The following RBMS3 variants were observed in gnomAD, a reference collection of about 807,000 sequenced individuals.
The protein encoded by RBMS3 is RNA binding motif single stranded interacting protein 3, also known as RNA-binding motif, single-stranded-interacting protein 3.
RBMS3 carries 27 observed loss-of-function variants against 66.8 expected under a neutral mutation model. The observed-to-expected ratio is 0.40, with a 90% CI of 0.30 to 0.56. RBMS3 has a LOEUF of 0.56. RBMS3 is among the 20% of genes least tolerant of loss of function. The probability of loss-of-function intolerance (pLI) is 0.40; values close to 1 mark genes in which losing one functional copy is unlikely to be tolerated. For missense variants in RBMS3, 513 were observed against 549.5 expected (o/e 0.93, Z 0.66); for synonymous variants, 188 against 183.0 (o/e 1.03, Z -0.22).
intron 3 of RBMS3, among the ~76,000 whole-genome samples, chr3:29,539,375 ACT>A (rs1375515419): frequency 6.6e-6 from 1 of 152,114 alleles, no homozygotes; most frequent in African/African-American, 2.4e-5. Context: ...TATAGAGCAA[ACT>A]CTGAGTACTT....
At chr3:29,969,605 G>A (rs1254375137) in intron 12 of RBMS3, among the ~76,000 whole-genome samples, 20 of 152,142 alleles carry the variant, frequency 1.3e-4, no homozygotes, top group Admixed American at 1.2e-3. Flanking sequence ...TCTCTGTATG[G>A]AAAAGAGAAT....
At chr3:29,965,510 G>C (rs895058352) in intron 12 of RBMS3, among the ~76,000 whole-genome samples, 5 of 151,972 alleles carry the variant, frequency 3.3e-5, no homozygotes, top group African/African-American at 1.2e-4. Context: ...ATGTTTGTTG[G>C]CCATTTGTAT....
chr3:29,610,202 G>T (rs559673740), intron 4 of RBMS3, among the ~76,000 whole-genome samples: 4 of 151,966 alleles, frequency 2.6e-5, no homozygotes, highest in African/African-American at 9.7e-5. Flanking sequence ...GGACCCTGTC[G>T]TGAATACAGG....
intron 2 of RBMS3, among the ~76,000 whole-genome samples, chr3:29,467,062 A>C (rs145388457): frequency 0.033 from 4,977 of 152,284 alleles, 121 homozygotes; most frequent in African/African-American, 0.056. Context: ...AAAATGTATA[A>C]TTTAATTTGT....
chr3:29,685,617 G>A (rs1216654809), intron 4 of RBMS3, among the ~76,000 whole-genome samples: 1 of 152,094 alleles, frequency 6.6e-6, no homozygotes, highest in African/African-American at 2.4e-5. Context: ...TACACAAAGA[G>A]GTATATACTT....
At chr3:29,777,825 T>C (rs1000812885) in intron 6 of RBMS3, among the ~76,000 whole-genome samples, 20 of 151,856 alleles carry the variant, frequency 1.3e-4, no homozygotes, top group Admixed American at 8.5e-4. Context: ...ATTAAAATCA[T>C]TTGAAATCAC....
At chr3:29,960,488 C>CA in intron 12 of RBMS3, among the ~76,000 whole-genome samples, 1 of 152,186 alleles carries the variant, frequency 6.6e-6, no homozygotes, top group Non-Finnish European at 1.5e-5. Context: ...ATCTGGAAGA[C>CA]AGTGTCCCTC....
Position 29,309,678 on chromosome 3 carries a change from A to G in RBMS3, c.75+27922A>G, listed in dbSNP as rs1363339455. ...GGAAGAAGCAGAAATGAGTATTATT[A>G]TAGCAAAGGGAATATGAAATTTCAT... On this transcript the variant is annotated intron_variant, in intron 1 of 14. Coordinates refer to ENST00000383767, the MANE Select transcript of RBMS3 (RefSeq NM_001003793.3). Among the ~76,000 whole-genome samples, 62 of 151,802 alleles carry G rather than the reference A, an allele frequency of 4.1e-4. 1 individual carries two copies. The highest frequency in any genetic ancestry group is 3.9e-3 in the Admixed American group (59 of 15,188).
intron 6 of RBMS3, among the ~76,000 whole-genome samples, chr3:29,841,097 T>C (rs917471998): frequency 6.6e-6 from 1 of 151,974 alleles, no homozygotes; most frequent in Non-Finnish European, 1.5e-5. Flanking sequence ...ACTAATGAGT[T>C]TGATCATTTT....
intron 4 of RBMS3, among the ~76,000 whole-genome samples, chr3:29,689,936 A>G (rs1432559985): frequency 7.8e-6 from 1 of 127,730 alleles, no homozygotes; most frequent in East Asian, 3.1e-4. Flanking sequence ...AAAAAAAAAA[A>G]AAAAAAAAAA....
intron 6 of RBMS3, among the ~76,000 whole-genome samples, chr3:29,779,706 A>ATATATATATATATATATATATATATATAT (rs2056554752): frequency 9.3e-6 from 1 of 106,990 alleles, no homozygotes; most frequent in Non-Finnish European, 2.2e-5. Context: ...ATTAAGATGA[A>ATATATATATATATATATATATATATATAT]ATATATATAT....
chr3:29,297,961 GT>G (rs796870831), intron 1 of RBMS3, among the ~76,000 whole-genome samples: 1 of 151,792 alleles, frequency 6.6e-6, no homozygotes, highest in Non-Finnish European at 1.5e-5. Flanking sequence ...TTTTGTTTTA[GT>G]TTTTTTCAGC....
intron 1 of RBMS3, among the ~76,000 whole-genome samples, chr3:29,374,468 T>A (rs1470930227): frequency 6.6e-6 from 1 of 152,214 alleles, no homozygotes; most frequent in East Asian, 1.9e-4. Context: ...TTGCATTTAG[T>A]AGAAACTGTA....
At chr3:29,928,209 T>C (rs6766706) in intron 10 of RBMS3, among the ~76,000 whole-genome samples, 15,379 of 102,096 alleles carry the variant, frequency 0.15, 1,142 homozygotes, top group African/African-American at 0.21. Flanking sequence ...TATATATATA[T>C]ATACACACAC....
chr3:29,877,791 A>C (rs561292385), intron 7 of RBMS3, among the ~76,000 whole-genome samples: 1 of 152,324 alleles, frequency 6.6e-6, no homozygotes, highest in South Asian at 2.1e-4. Flanking sequence ...GAAGGTCAGA[A>C]GGTGATCTGC....
chr3:29,337,667 G>A (rs752147363), intron 1 of RBMS3, among the ~76,000 whole-genome samples: 2 of 152,054 alleles, frequency 1.3e-5, no homozygotes, highest in South Asian at 2.1e-4. Flanking sequence ...AAAGACTCAG[G>A]AATAGGAATA....
chr3:29,440,050 A>G (rs1157601936), intron 2 of RBMS3, among the ~76,000 whole-genome samples: 1 of 152,194 alleles, frequency 6.6e-6, no homozygotes, highest in Non-Finnish European at 1.5e-5. Flanking sequence ...TTTGTAGTGT[A>G]ATGATTTTTT....
Position 29,762,767 on chromosome 3 carries a change from G to C in RBMS3, c.558-143G>C, listed in dbSNP as rs146937617. 4.6e-6 allele frequency: 3 copies of C among 646,436 alleles called. No individual in the cohort carries two copies. In the African/African-American group the frequency reaches 5.6e-5, roughly 12 times the overall value. The allele number at this position is 646,436 out of a possible 1,614,324, so 40.0% of individuals were successfully genotyped here. ...TTTGTGATGTTCTCTTATCAATCTG[G>C]TCATCATGTTCATGAAAAAAGTTGG... On this transcript the variant is annotated intron_variant, in intron 5 of 14. Coordinates refer to ENST00000383767, the MANE Select transcript of RBMS3 (RefSeq NM_001003793.3).
At chr3:29,765,161 G>T (rs1005814624) in intron 6 of RBMS3, among the ~76,000 whole-genome samples, 10 of 151,964 alleles carry the variant, frequency 6.6e-5, no homozygotes, top group African/African-American at 1.9e-4. Flanking sequence ...CAAGATATGG[G>T]TATTTTGCAA....
Sources: allele counts gnomAD v4.1 joint callset (sites outside exome capture counted in the v4.1 genomes callset), GRCh38; gene constraint gnomAD v4.1.1; transcripts MANE v1.5; gene names NCBI Gene and HGNC (gene_info 2026-07-23, HGNC 2026-07-21).